Variants in RBFOX1 observed in about 807,000 individuals in gnomAD.
RBFOX1 encodes RNA binding protein fox-1 homolog 1.
A neutral mutation model predicts 57.7 loss-of-function variants in RBFOX1; 8 were observed. The observed-to-expected ratio is 0.14, with a 90% CI of 0.08 to 0.25. The LOEUF is 0.25. Among genes scored for constraint, RBFOX1 ranks in the 10% least tolerant of loss-of-function variants. RBFOX1 has a pLI of 1.00. For missense variants in RBFOX1, 611 were observed against 548.5 expected (o/e 1.11, Z -1.14); for synonymous variants, 326 against 222.4 (o/e 1.47, Z -4.15).
intron 4 of RBFOX1, among the ~76,000 whole-genome samples, chr16:7,370,152 C>T (rs545196856): frequency 6.6e-6 from 1 of 152,216 alleles, no homozygotes; most frequent in Admixed American, 6.5e-5. Flanking sequence ...GGACTCCTCC[C>T]TGTGGATACC....
chr16:7,708,955 G>T, intron 14 of RBFOX1, 101 bp from the exon 15 acceptor site: 1 of 1,052,722 alleles, frequency 9.5e-7, no homozygotes, highest in Non-Finnish European at 1.5e-6. Flanking sequence ...TGGAAGATGA[G>T]TAGGGCCCCT....
At chr16:6,879,738 C>G (rs555700007) in intron 3 of RBFOX1, among the ~76,000 whole-genome samples, 1 of 152,126 alleles carries the variant, frequency 6.6e-6, no homozygotes, top group Admixed American at 6.6e-5. Context: ...ACCTCTGGAT[C>G]CTACTTAACA....
intron 1 of RBFOX1, among the ~76,000 whole-genome samples, chr16:6,273,588 C>T (rs899791327): frequency 8.6e-5 from 13 of 151,858 alleles, no homozygotes; most frequent in Non-Finnish European, 1.8e-4. Context: ...TCAGGTGATC[C>T]GCCCGCCTCG....
intron 3 of RBFOX1, among the ~76,000 whole-genome samples, chr16:6,827,584 G>C (rs985730013): frequency 7.9e-5 from 12 of 152,144 alleles, no homozygotes; most frequent in Non-Finnish European, 1.8e-4. Flanking sequence ...ATCCGTCTCA[G>C]AGGGCCAGTC....
chr16:7,370,243 A>C (rs1456618276), intron 4 of RBFOX1, among the ~76,000 whole-genome samples: 1 of 152,180 alleles, frequency 6.6e-6, no homozygotes, highest in Non-Finnish European at 1.5e-5. Context: ...GTGGCCATTG[A>C]TTGAGAACTA....
At chr16:6,859,111 G>GTATATATATATA (rs796794349) in intron 3 of RBFOX1, among the ~76,000 whole-genome samples, 16 of 65,048 alleles carry the variant, frequency 2.5e-4, no homozygotes, top group East Asian at 5.4e-4. Context: ...TAAAAAAAGT[G>GTATATATATATA]TATATATATA....
chr16:6,855,902 CCCTTCTTT>C (rs772888713), intron 3 of RBFOX1, among the ~76,000 whole-genome samples: 1 of 151,020 alleles, frequency 6.6e-6, no homozygotes, highest in Non-Finnish European at 1.5e-5. Flanking sequence ...CTCCTTACCT[CCCTTCTTT>C]CCTTCTTTCT....
chr16:7,096,413 G>T (rs1295236288), intron 4 of RBFOX1, among the ~76,000 whole-genome samples: 1 of 152,142 alleles, frequency 6.6e-6, no homozygotes, highest in Admixed American at 6.5e-5. Context: ...GATGTCTGAG[G>T]CAACCACTAG....
intron 3 of RBFOX1, among the ~76,000 whole-genome samples, chr16:6,817,043 C>T (rs530067426): frequency 2.0e-5 from 3 of 152,150 alleles, no homozygotes; most frequent in African/African-American, 4.8e-5. Flanking sequence ...TCACCATGCT[C>T]AGCCTCTTTG....
chr16:6,984,545 G>T (rs2089786454), intron 3 of RBFOX1, among the ~76,000 whole-genome samples: 1 of 152,150 alleles, frequency 6.6e-6, no homozygotes, highest in Non-Finnish European at 1.5e-5. Flanking sequence ...GAATGGTGCA[G>T]CAGCCCATTG....
At chr16:5,270,691 T>C in intron 1 of RBFOX1, 1 of 522,708 alleles carries the variant, frequency 1.9e-6, no homozygotes, top group South Asian at 1.7e-5. Context: ...AATCATGACC[T>C]GAGATGTGCA....
chr16:5,609,559 G>T (rs1439302846), intron 3 of RBFOX1, among the ~76,000 whole-genome samples: 1 of 152,170 alleles, frequency 6.6e-6, no homozygotes, highest in Non-Finnish European at 1.5e-5. Context: ...GATGTCCACC[G>T]TGTCAGCGAA....
intron 4 of RBFOX1, among the ~76,000 whole-genome samples, chr16:7,336,405 T>C (rs1229872925): frequency 1.3e-5 from 2 of 152,238 alleles, no homozygotes; most frequent in Non-Finnish European, 2.9e-5. Context: ...ATCGTTCCCA[T>C]TTCATCCAGG....
At chr16:7,393,492 G>A (rs2098081935) in intron 4 of RBFOX1, among the ~76,000 whole-genome samples, 1 of 152,062 alleles carries the variant, frequency 6.6e-6, no homozygotes, top group South Asian at 2.1e-4. Flanking sequence ...TCTGTCTTAG[G>A]TCAGATTTCC....
intron 2 of RBFOX1, among the ~76,000 whole-genome samples, chr16:6,341,996 A>G (rs932738882): frequency 3.9e-5 from 6 of 152,254 alleles, no homozygotes; most frequent in Non-Finnish European, 7.3e-5. Flanking sequence ...CCTTTGCAAT[A>G]AAACATAAAA....
chr16:7,459,815 G>T (rs1331116469), intron 4 of RBFOX1, among the ~76,000 whole-genome samples: 2 of 152,044 alleles, frequency 1.3e-5, no homozygotes, highest in Non-Finnish European at 2.9e-5. Context: ...TCTTCTTTTA[G>T]ATGCTTACGG....
chr16:6,766,668 C>T (rs970433506), intron 3 of RBFOX1, among the ~76,000 whole-genome samples: 1 of 152,030 alleles, frequency 6.6e-6, no homozygotes, highest in Admixed American at 6.6e-5. Context: ...TAATTAGCCA[C>T]ATGTGGCCAA....
chr16:6,776,879 C>G (rs563252317), intron 3 of RBFOX1, among the ~76,000 whole-genome samples: 1 of 152,314 alleles, frequency 6.6e-6, no homozygotes, highest in African/African-American at 2.4e-5. Context: ...TGGCATGTGG[C>G]ACATTTTAAT....
chr16:6,757,777 G>A (rs1221153711), intron 3 of RBFOX1, among the ~76,000 whole-genome samples: 4 of 152,072 alleles, frequency 2.6e-5, no homozygotes, highest in Non-Finnish European at 4.4e-5. Context: ...ACATTTCAAA[G>A]TAACTAGAAG....
Sources: gnomAD v4.1 joint callset for allele counts (sites outside exome capture counted in the v4.1 genomes callset) on GRCh38, gnomAD v4.1.1 for gene constraint, MANE v1.5 for transcripts, NCBI Gene and HGNC (gene_info 2026-07-23, HGNC 2026-07-21) for gene names.